The following KCNH8 variants were observed in gnomAD, a reference collection of about 807,000 sequenced individuals.
KCNH8 encodes the protein potassium voltage-gated channel subfamily H member 8.
KCNH8 carries 70 observed loss-of-function variants against 103.6 expected under a neutral mutation model. That is an observed-to-expected ratio of 0.68 (90% CI 0.56 to 0.82). The LOEUF is 0.82. KCNH8 is among the 40% of genes least tolerant of loss of function. The probability of loss-of-function intolerance (pLI) is 0.00; values close to 1 mark genes in which losing one functional copy is unlikely to be tolerated. For missense variants in KCNH8, 1,217 were observed against 1,329.9 expected (o/e 0.92, Z 1.32); for synonymous variants, 498 against 489.4 (o/e 1.02, Z -0.23).
At chr3:19,489,075 T>C (rs771893363) in intron 11 of KCNH8, among the ~76,000 whole-genome samples, 5 of 152,158 alleles carry the variant, frequency 3.3e-5, no homozygotes, top group Non-Finnish European at 7.3e-5. Context: ...TCAGGGGCAT[T>C]TGGATTCCAG....
intron 11 of KCNH8, among the ~76,000 whole-genome samples, chr3:19,493,155 A>T (rs944620090): frequency 1.3e-5 from 2 of 152,146 alleles, no homozygotes; most frequent in Admixed American, 1.3e-4. Flanking sequence ...TAGATATACA[A>T]TAATATCACA....
At chr3:19,244,404 A>G (rs770589312) in intron 1 of KCNH8, among the ~76,000 whole-genome samples, 2 of 152,134 alleles carry the variant, frequency 1.3e-5, no homozygotes, top group African/African-American at 2.4e-5. Flanking sequence ...TGGTGAACAT[A>G]TGAGTGCACG....
intron 11 of KCNH8, among the ~76,000 whole-genome samples, chr3:19,508,419 TAGTC>T (rs2125239381): frequency 6.6e-6 from 1 of 152,314 alleles, no homozygotes; most frequent in East Asian, 1.9e-4. Context: ...TTTCTCTGCT[TAGTC>T]AGTTATTACT....
chr3:19,494,069 C>T (rs943516632), intron 11 of KCNH8, among the ~76,000 whole-genome samples: 3 of 152,106 alleles, frequency 2.0e-5, no homozygotes, highest in Non-Finnish European at 4.4e-5. Context: ...TTTAGTGCCA[C>T]TTATAAGTGA....
chr3:19,248,041 TAA>T (rs1575467035), intron 1 of KCNH8, among the ~76,000 whole-genome samples: 1 of 152,136 alleles, frequency 6.6e-6, no homozygotes, highest in African/African-American at 2.4e-5. Flanking sequence ...TCAATTGAAT[TAA>T]AAGTTTTACA....
chr3:19,155,101 A>G (rs2063168348), intron 1 of KCNH8, among the ~76,000 whole-genome samples: 1 of 152,200 alleles, frequency 6.6e-6, no homozygotes, highest in Non-Finnish European at 1.5e-5. Flanking sequence ...TAATACAACC[A>G]TCTTTGTCAC....
intron 1 of KCNH8, among the ~76,000 whole-genome samples, chr3:19,150,293 C>G (rs947077508): frequency 6.6e-6 from 1 of 151,958 alleles, no homozygotes. Context: ...TGCATGATGG[C>G]GGATACTACT....
intron 1 of KCNH8, among the ~76,000 whole-genome samples, chr3:19,212,271 G>T (rs2063778538): frequency 6.6e-6 from 1 of 152,022 alleles, no homozygotes; most frequent in Non-Finnish European, 1.5e-5. Context: ...CTCACCAAAG[G>T]TCTCACAGCT....
At chr3:19,441,568 C>G (rs963149111) in intron 8 of KCNH8, among the ~76,000 whole-genome samples, 1 of 152,194 alleles carries the variant, frequency 6.6e-6, no homozygotes, top group Non-Finnish European at 1.5e-5. Flanking sequence ...CAGGTGCATA[C>G]TTACTTCTCT....
intron 1 of KCNH8, among the ~76,000 whole-genome samples, chr3:19,181,795 A>T (rs2063455644): frequency 6.6e-6 from 1 of 152,216 alleles, no homozygotes; most frequent in Non-Finnish European, 1.5e-5. Flanking sequence ...ATGATCCCTA[A>T]TCTCGGCTGA....
intron 3 of KCNH8, among the ~76,000 whole-genome samples, chr3:19,337,304 T>C (rs1274799542): frequency 6.6e-6 from 1 of 152,134 alleles, no homozygotes; most frequent in Admixed American, 6.6e-5. Flanking sequence ...GTTCCTGGCA[T>C]AATGCCTAGA....
chr3:19,272,533 C>T (rs2125267428), intron 2 of KCNH8, among the ~76,000 whole-genome samples: 1 of 152,154 alleles, frequency 6.6e-6, no homozygotes, highest in Admixed American at 6.5e-5. Flanking sequence ...TGAGGAACTG[C>T]TTAGAACTGT....
rs183647459 is a variant in KCNH8, at chr3:19,196,428, A to G, written c.76+47633A>G. ...TAATGCTCAGCACCAATGTAATGAG[A>G]TAGGTACTTTTACTCAGTGAAAGAC... On this transcript the variant is annotated intron_variant, in intron 1 of 15. Coordinates refer to ENST00000328405, the MANE Select transcript of KCNH8 (RefSeq NM_144633.3). Among the ~76,000 whole-genome samples, 860 of 151,918 alleles carry G rather than the reference A, an allele frequency of 5.7e-3. 12 individuals are homozygous for G. The highest frequency in any genetic ancestry group is 0.019 in the African/African-American group (773 of 41,464).
chr3:19,216,989 A>G (rs150197387), intron 1 of KCNH8, among the ~76,000 whole-genome samples: 6 of 152,322 alleles, frequency 3.9e-5, no homozygotes, highest in South Asian at 2.1e-4. Flanking sequence ...GTGTGAAGGT[A>G]GAAAAGATAT....
At chr3:19,175,781 C>G (rs919649046) in intron 1 of KCNH8, among the ~76,000 whole-genome samples, 1 of 152,084 alleles carries the variant, frequency 6.6e-6, no homozygotes, top group African/African-American at 2.4e-5. Flanking sequence ...TTCTGTTGAT[C>G]ATGTATTTAT....
intron 1 of KCNH8, among the ~76,000 whole-genome samples, chr3:19,169,683 C>G (rs2063322094): frequency 6.6e-6 from 1 of 152,108 alleles, no homozygotes; most frequent in African/African-American, 2.4e-5. Context: ...GGCATTAGCA[C>G]CTAGTATTTT....
intron 5 of KCNH8, among the ~76,000 whole-genome samples, chr3:19,366,426 A>G (rs1002756573): frequency 2.6e-5 from 4 of 152,088 alleles, no homozygotes; most frequent in Non-Finnish European, 4.4e-5. Context: ...CTTATGACAT[A>G]TATTACTGTA....
Position 19,390,601 on chromosome 3 carries a change from T to A in KCNH8, c.932T>A (p.Leu311Gln). The A allele has an allele frequency of 6.2e-7, 1 of 1,613,462 alleles. No individual in the cohort carries two copies. The highest frequency in any genetic ancestry group is 8.5e-7 in the Non-Finnish European group (1 of 1,179,610). The change falls in exon 6 of 16, where the codon CTG becomes CAG. Residue 311 changes from leucine (L) to glutamine (Q), a missense_variant. Transcript: ENST00000328405. ...TWFIIDLIAA[L>Q]PFDLLYAFNV... ...TTCATCATTGATTTAATCGCTGCCC[T>A]GCCTTTTGATCTTCTGTATGCTTTC...
intron 11 of KCNH8, among the ~76,000 whole-genome samples, chr3:19,482,003 C>A (rs1180205929): frequency 1.3e-5 from 2 of 152,158 alleles, no homozygotes; most frequent in Non-Finnish European, 2.9e-5. Flanking sequence ...AGACTCACGT[C>A]TCCAAAAACC....
Sources: gnomAD v4.1 joint callset for allele counts (sites outside exome capture counted in the v4.1 genomes callset) on GRCh38, gnomAD v4.1.1 for gene constraint, MANE v1.5 for transcripts, NCBI Gene and HGNC (gene_info 2026-07-23, HGNC 2026-07-21) for gene names.